The following RIOK1 variants were observed in gnomAD, a reference collection of about 807,000 sequenced individuals.
RIOK1 encodes serine/threonine-protein kinase RIO1.
RIOK1 carries 66 observed loss-of-function variants against 73.5 expected under a neutral mutation model. That is an observed-to-expected ratio of 0.90 (90% CI 0.74 to 1.10). The LOEUF is 1.10. RIOK1 is among the 50% of genes least tolerant of loss of function. The pLI is 0.00. For synonymous variants in RIOK1, 224 were observed against 226.8 expected (o/e 0.99, Z 0.11); for missense variants, 658 against 699.8 (o/e 0.94, Z 0.67).
At chr6:7,403,327 CT>C (rs914744016) in intron 8 of RIOK1, among the ~76,000 whole-genome samples, 1 of 152,168 alleles carries the variant, frequency 6.6e-6, no homozygotes, top group South Asian at 2.1e-4. Flanking sequence ...GTCGTGAACT[CT>C]TTGTTTATCA....
At chr6:7,404,096 C>T (rs1426183014) in intron 9 of RIOK1, 69 bp downstream of exon 9, 2 of 1,032,578 alleles carry the variant, frequency 1.9e-6, no homozygotes, top group African/African-American at 1.6e-5. Flanking sequence ...AGTTTATCCA[C>T]TATATGAATA....
intron 5 of RIOK1, among the ~76,000 whole-genome samples, chr6:7,399,037 G>A (rs1352729424): frequency 1.3e-5 from 2 of 152,186 alleles, no homozygotes; most frequent in African/African-American, 4.8e-5. Flanking sequence ...TAGGAATTTT[G>A]TGAGCTTTCC....
intron 16 of RIOK1, 56 bp from the exon 17 acceptor site, chr6:7,417,271 AAAAC>A: frequency 8.4e-7 from 1 of 1,196,906 alleles, no homozygotes; most frequent in Non-Finnish European, 1.2e-6. Flanking sequence ...ACAAAAAACA[AAAAC>A]AAAAAATGCA....
chr6:7,400,749 T>G (rs965545082), intron 5 of RIOK1, among the ~76,000 whole-genome samples: 1 of 152,202 alleles, frequency 6.6e-6, no homozygotes, highest in African/African-American at 2.4e-5. Flanking sequence ...ACTTGCTAGT[T>G]GGTTTTGCCT....
intron 15 of RIOK1, 36 bp from the exon 16 acceptor site, chr6:7,414,199 GTGT>G: frequency 6.4e-7 from 1 of 1,563,600 alleles, no homozygotes; most frequent in South Asian, 1.2e-5. Context: ...CTTGGTTTGT[GTGT>G]TGTTTAGAAT....
chr6:7,411,267 G>A (rs1476505555), intron 13 of RIOK1, 65 bp from the exon 14 acceptor site: 2 of 1,559,692 alleles, frequency 1.3e-6, no homozygotes, highest in Admixed American at 1.7e-5. Context: ...TGATGGAGGA[G>A]TATGCTGTGT....
rs376406218 is a variant in RIOK1 at position 7,406,640 on chromosome 6, G to T, written c.1203+1285G>T. Among the ~76,000 whole-genome samples, 7 of 152,232 alleles carry T rather than the reference G, an allele frequency of 4.6e-5. 1 individual carries two copies. The highest frequency in any genetic ancestry group is 1.7e-4 in the African/African-American group (7 of 41,544). The stretch of plus-strand genomic sequence containing the variant: ...TATGATGTCTTCAAGATTCATCCAT[G>T]TTATAGCATGTGACAGGATATCTTT... On this transcript the variant is annotated intron_variant, in intron 12 of 16. Coordinates refer to ENST00000379834, the MANE Select transcript of RIOK1 (RefSeq NM_031480.3).
At position 7,390,086 on chromosome 6, in the gene RIOK1, A is replaced by G. The variant is rs1375418865; in HGVS notation, c.71+13A>G. ...ACTCCTCTGACAGGTAGGCGGCCGT[A>G]CAGTGCCCTGGCTCTGGGTACGGCT... On this transcript the variant is annotated intron_variant, in intron 1 of 16. Transcript: ENST00000379834. The G allele has an allele frequency of 6.4e-7, 1 of 1,554,656 alleles. No individual in the cohort carries two copies. Among genetic ancestry groups the G allele is most frequent in the Non-Finnish European group, 8.7e-7 (1 of 1,148,974 alleles).
intron 5 of RIOK1, among the ~76,000 whole-genome samples, chr6:7,400,341 C>G (rs888299173): frequency 6.6e-6 from 1 of 152,134 alleles, no homozygotes; most frequent in African/African-American, 2.4e-5. Flanking sequence ...GAAAAACAAG[C>G]TGTGGTCTGA....
At position 7,396,757 on chromosome 6, in the gene RIOK1, AAAAGG is replaced by A. The variant is rs1349536222; in HGVS notation, c.425_429del (p.Lys142SerfsTer9). On this transcript the variant is annotated frameshift_variant, in exon 4 of 17. Transcript: ENST00000379834. LOFTEE classifies it high-confidence loss of function. The stretch of plus-strand genomic sequence containing the variant: ...AATAAAGTCACCGAAAAGTCTAGAC[AAAAGG>A]AAGCAGATATGTAAGTAATATTTTA... 6.3e-7 allele frequency: 1 copy of A among 1,585,412 alleles called. No individual in the cohort carries two copies. The highest frequency in any genetic ancestry group is 8.7e-7 in the Non-Finnish European group (1 of 1,155,092).
intron 16 of RIOK1, among the ~76,000 whole-genome samples, chr6:7,415,385 G>A (rs1309505198): frequency 6.6e-6 from 1 of 150,714 alleles, no homozygotes; most frequent in East Asian, 1.9e-4. Flanking sequence ...CTGGGTGACA[G>A]AGTGAGATTC....
chr6:7,409,310 A>G (rs1180063278), intron 12 of RIOK1, among the ~76,000 whole-genome samples: 1 of 150,846 alleles, frequency 6.6e-6, no homozygotes, highest in East Asian at 2.0e-4. Context: ...GCTGGAGTAC[A>G]GTGGCACGAT....
intron 12 of RIOK1, among the ~76,000 whole-genome samples, chr6:7,405,892 T>C (rs1207858110): frequency 6.6e-6 from 1 of 151,672 alleles, no homozygotes; most frequent in African/African-American, 2.4e-5. Context: ...TGTGAAAGTT[T>C]AGCAAGAAAA....
intron 4 of RIOK1, among the ~76,000 whole-genome samples, chr6:7,398,457 A>G (rs549547887): frequency 6.6e-6 from 1 of 152,332 alleles, no homozygotes; most frequent in Admixed American, 6.5e-5. Context: ...TGAAATAGGA[A>G]TAGATTTTTC....
At chr6:7,414,955 G>T (rs191589134) in intron 16 of RIOK1, among the ~76,000 whole-genome samples, 1 of 152,240 alleles carries the variant, frequency 6.6e-6, no homozygotes, top group East Asian at 1.9e-4. Flanking sequence ...TCACACTGTC[G>T]ACACTCCCCA....
intron 14 of RIOK1, 22 bp from the exon 15 acceptor site, chr6:7,412,867 T>G: frequency 1.4e-6 from 2 of 1,390,082 alleles, no homozygotes; most frequent in South Asian, 2.6e-5. Flanking sequence ...CCTTATTTTT[T>G]TTTTTTCATT....
intron 4 of RIOK1, among the ~76,000 whole-genome samples, chr6:7,398,016 C>T (rs555906585): frequency 7.2e-5 from 11 of 152,154 alleles, no homozygotes; most frequent in Non-Finnish European, 1.2e-4. Flanking sequence ...GCGGCGGGCG[C>T]CTGTAGTCCC....
At chr6:7,409,797 A>G (rs1430282453) in intron 12 of RIOK1, among the ~76,000 whole-genome samples, 2 of 38,694 alleles carry the variant, frequency 5.2e-5, no homozygotes, top group African/African-American at 1.1e-4. Context: ...TCTAAACTCA[A>G]AAAAAAAAAA....
chr6:7,396,816 C>G, intron 4 of RIOK1, 44 bp downstream of exon 4: 1 of 997,022 alleles, frequency 1.0e-6, no homozygotes, highest in Non-Finnish European at 1.6e-6. Context: ...AAGGACTAAT[C>G]TAGATTAAGC....
Sources: gnomAD v4.1 joint callset for allele counts (sites outside exome capture counted in the v4.1 genomes callset) on GRCh38, gnomAD v4.1.1 for gene constraint, MANE v1.5 for transcripts, NCBI Gene and HGNC (gene_info 2026-07-23, HGNC 2026-07-21) for gene names.